PTPRN2: variants seen among roughly 807,000 people sequenced by gnomAD.
The protein encoded by PTPRN2 is receptor-type tyrosine-protein phosphatase N2.
In PTPRN2, 74 loss-of-function variants were observed where a neutral mutation model predicts 118.8. The observed-to-expected ratio is 0.62, with a 90% CI of 0.52 to 0.76. The LOEUF (loss-of-function observed/expected upper bound fraction) is 0.76, where lower values mean the gene tolerates loss of function less well. Ranked by LOEUF, PTPRN2 falls within the 30% of genes least tolerant of loss-of-function variation. PTPRN2 has a pLI of 0.00. For synonymous variants in PTPRN2, 641 were observed against 608.0 expected (o/e 1.05, Z -0.80); for missense variants, 1,481 against 1,394.4 (o/e 1.06, Z -0.99).
intron 12 of PTPRN2, among the ~76,000 whole-genome samples, chr7:157,700,204 G>A (rs1338426152): frequency 6.6e-6 from 1 of 152,096 alleles, no homozygotes; most frequent in African/African-American, 2.4e-5. Context: ...GACTGTCCTT[G>A]TCTCCAAATG....
chr7:158,062,341 T>C (rs1407696658), intron 11 of PTPRN2, among the ~76,000 whole-genome samples: 1 of 152,242 alleles, frequency 6.6e-6, no homozygotes, highest in Non-Finnish European at 1.5e-5. Flanking sequence ...TTACAGTCAG[T>C]GCACATGTGT....
At chr7:157,571,202 T>TTC (rs1554494502) in intron 20 of PTPRN2, among the ~76,000 whole-genome samples, 1 of 129,556 alleles carries the variant, frequency 7.7e-6, no homozygotes, top group Non-Finnish European at 1.6e-5. Context: ...GCAACAGAGT[T>TTC]AAAAAAAAAA....
At chr7:157,753,140 T>C (rs951660075) in intron 12 of PTPRN2, among the ~76,000 whole-genome samples, 4 of 152,214 alleles carry the variant, frequency 2.6e-5, no homozygotes, top group African/African-American at 7.2e-5. Context: ...CTGACACTTA[T>C]GTCTCTGCTC....
chr7:157,991,013 GT>G (rs1430930380), intron 11 of PTPRN2, among the ~76,000 whole-genome samples: 2 of 152,210 alleles, frequency 1.3e-5, no homozygotes, highest in Non-Finnish European at 2.9e-5. Context: ...GGTGTGCGGG[GT>G]GTGGACATGA....
intron 3 of PTPRN2, among the ~76,000 whole-genome samples, chr7:158,232,193 A>G (rs1829200625): frequency 6.6e-6 from 1 of 152,170 alleles, no homozygotes; most frequent in South Asian, 2.1e-4. Context: ...AAGGTAAACA[A>G]AATTGACAAA....
At chr7:157,835,443 G>A (rs1030440446) in intron 12 of PTPRN2, among the ~76,000 whole-genome samples, 7 of 152,144 alleles carry the variant, frequency 4.6e-5, no homozygotes, top group Non-Finnish European at 1.0e-4. Context: ...GTTCACAACC[G>A]AACCCGCAAA....
In PTPRN2 at chr7:158,328,382, G is replaced by A. The variant is rs368093223; in HGVS notation, c.164-11450C>T. The stretch of plus-strand genomic sequence containing the variant: ...TCGTAATGAAACCTGAAGATAAGCC[G>A]AGACCCTATATCGCTGGAAATTCCT... On this transcript the variant is annotated intron_variant, in intron 2 of 22. Coordinates refer to ENST00000389418, the MANE Select transcript of PTPRN2 (RefSeq NM_002847.5). 3.5e-4 allele frequency among the ~76,000 whole-genome samples: 53 copies of A among 152,342 alleles called. 1 individual carries two copies. The South Asian group carries it at 0.01, about 29-fold the overall frequency.
intron 5 of PTPRN2, among the ~76,000 whole-genome samples, chr7:158,180,156 C>T (rs1824574449): frequency 6.6e-6 from 1 of 152,244 alleles, no homozygotes; most frequent in Non-Finnish European, 1.5e-5. Flanking sequence ...GCTCCTTACC[C>T]TGCATCAATA....
chr7:157,740,962 A>G (rs1800601792), intron 12 of PTPRN2, among the ~76,000 whole-genome samples: 1 of 152,388 alleles, frequency 6.6e-6, no homozygotes, highest in South Asian at 2.1e-4. Context: ...TCTGTACCAC[A>G]GGTTAAAACC....
intron 11 of PTPRN2, among the ~76,000 whole-genome samples, chr7:158,054,992 G>T (rs1809672949): frequency 6.6e-6 from 1 of 152,220 alleles, no homozygotes; most frequent in Non-Finnish European, 1.5e-5. Context: ...CAGAGCTGTG[G>T]GCGGTAAGCC....
rs1178809341 is a variant in PTPRN2, at chr7:157,656,496, T to G, written c.2057A>C (p.His686Pro). ...TGAGACGCTGCTGATGCGTGACGTG[T>G]GCGGGCCCTCAGGTCGGTCTGGTGG... ...TRPPDRPEGPHTSRISSVSSQ... is the reference protein window; with the variant it reads ...TRPPDRPEGPPTSRISSVSSQ... The change falls in exon 14 of 23, where the codon CAC becomes CCC. Residue 686 changes from histidine to proline, a missense_variant. Coordinates refer to ENST00000389418, the MANE Select transcript of PTPRN2 (RefSeq NM_002847.5). 6.4e-7 allele frequency: 1 copy of G among 1,554,006 alleles called. No individual in the cohort carries two copies.
intron 11 of PTPRN2, among the ~76,000 whole-genome samples, chr7:157,958,315 G>C (rs1279239543): frequency 6.6e-6 from 1 of 152,142 alleles, no homozygotes; most frequent in Admixed American, 6.5e-5. Context: ...AAAGATGGAA[G>C]ACTTTTCCTT....
chr7:158,115,238 A>T (rs1816636595), intron 9 of PTPRN2, among the ~76,000 whole-genome samples: 1 of 152,170 alleles, frequency 6.6e-6, no homozygotes, highest in East Asian at 1.9e-4. Flanking sequence ...CAGGTTGGAG[A>T]CCAGAGGAGA....
At chr7:157,814,803 A>G (rs969547118) in intron 12 of PTPRN2, among the ~76,000 whole-genome samples, 2 of 152,188 alleles carry the variant, frequency 1.3e-5, no homozygotes, top group South Asian at 4.1e-4. Context: ...TCATCTTTGA[A>G]TTGGCTTCTT....
chr7:158,032,769 A>T (rs1467162955), intron 11 of PTPRN2, among the ~76,000 whole-genome samples: 2 of 152,300 alleles, frequency 1.3e-5, no homozygotes, highest in Non-Finnish European at 2.9e-5. Context: ...GGGCTTAATG[A>T]CATGAGCAGA....
At position 157,700,574 on chromosome 7, in the gene PTPRN2, C is replaced by T. The variant is rs1261397767; in HGVS notation, c.1789-17637G>A. On this transcript the variant is annotated intron_variant, in intron 12 of 22. Transcript: ENST00000389418. ...ATTCCCCATCCCCCTATGCTGATGG[C>T]GGCTGGCCTCCTGCAGTCCTGGGGT... Among the ~76,000 whole-genome samples, 4 of 152,198 alleles carry T rather than the reference C, an allele frequency of 2.6e-5. No homozygotes were observed. The East Asian group carries it at 7.7e-4, about 29-fold the overall frequency.
rs73746685 is a variant in PTPRN2 at position 157,874,221 on chromosome 7, T to C, written c.1788+24452A>G. Among the ~76,000 whole-genome samples the C allele has an allele frequency of 0.067, 10,135 of 152,140 alleles. 1,086 individuals carry two copies. Among genetic ancestry groups the C allele is most frequent in the African/African-American group, 0.23 (9,426 of 41,458 alleles). On this transcript the variant is annotated intron_variant, in intron 12 of 22. Coordinates refer to ENST00000389418, the MANE Select transcript of PTPRN2 (RefSeq NM_002847.5). The surrounding 1 kb of genome is among the most constrained non-coding windows in gnomAD (Gnocchi z 5.8). ...CTCCCTCTGTTTCCCCCTCCACAACTGGGCAGGCTGCTCCCTTCACCCCAA... is the reference window on the plus strand; with the variant it reads ...CTCCCTCTGTTTCCCCCTCCACAACCGGGCAGGCTGCTCCCTTCACCCCAA...
intron 1 of PTPRN2, among the ~76,000 whole-genome samples, chr7:158,510,454 CT>C (rs1823095283): frequency 6.9e-6 from 1 of 145,766 alleles, no homozygotes; most frequent in Non-Finnish European, 1.5e-5. Context: ...CTCTCTCTCT[CT>C]CTCTCTCTCT....
intron 12 of PTPRN2, among the ~76,000 whole-genome samples, chr7:157,713,635 A>G (rs1242356367): frequency 1.3e-5 from 2 of 152,216 alleles, no homozygotes; most frequent in African/African-American, 4.8e-5. Flanking sequence ...GACCAAGGCA[A>G]GCACACTGGT....
Sources: gnomAD v4.1 joint callset for allele counts (sites outside exome capture counted in the v4.1 genomes callset) on GRCh38, gnomAD v4.1.1 for gene constraint, Gnocchi (gnomAD v3.1) non-coding constraint, MANE v1.5 for transcripts, NCBI Gene and HGNC (gene_info 2026-07-23, HGNC 2026-07-21) for gene names.